The following TTC28 variants were observed in gnomAD, a reference collection of about 807,000 sequenced individuals.
The protein encoded by TTC28 is tetratricopeptide repeat protein 28.
Under a neutral mutation model 198.0 loss-of-function variants are expected in TTC28, and 61 were observed. The ratio of observed to expected loss-of-function variants is 0.31; its 90% CI spans 0.25 to 0.38. The LOEUF (loss-of-function observed/expected upper bound fraction) is 0.38. Among genes scored for constraint, TTC28 ranks in the 10% least tolerant of loss-of-function variants. The pLI, the probability that TTC28 is intolerant of heterozygous loss-of-function variation, is 1.00. For missense variants in TTC28, 2,678 were observed against 3,164.0 expected (o/e 0.85, Z 3.69); for synonymous variants, 1,171 against 1,297.8 (o/e 0.90, Z 2.10).
chr22:28,130,372 A>G (rs554615089), intron 6 of TTC28, among the ~76,000 whole-genome samples: 2 of 152,292 alleles, frequency 1.3e-5, no homozygotes, highest in African/African-American at 4.8e-5. Context: ...CCACTTTATA[A>G]CAATAAACTG....
At chr22:28,332,369 T>C (rs1363261105) in intron 2 of TTC28, among the ~76,000 whole-genome samples, 1 of 152,148 alleles carries the variant, frequency 6.6e-6, no homozygotes, top group East Asian at 1.9e-4. Context: ...AATATAGACT[T>C]AATAGAAATA....
At chr22:28,387,698 T>C (rs1463842922) in intron 2 of TTC28, among the ~76,000 whole-genome samples, 4 of 152,238 alleles carry the variant, frequency 2.6e-5, no homozygotes, top group Admixed American at 2.0e-4. Flanking sequence ...GTTGTTTGTG[T>C]TTTTCTTCTA....
intron 2 of TTC28, among the ~76,000 whole-genome samples, chr22:28,472,213 G>C (rs1277795975): frequency 6.6e-6 from 1 of 152,062 alleles, no homozygotes; most frequent in East Asian, 1.9e-4. Context: ...CGCCTTGTAT[G>C]AGTTTCTTCT....
intron 2 of TTC28, among the ~76,000 whole-genome samples, chr22:28,463,929 T>A (rs2047984439): frequency 6.6e-6 from 1 of 151,660 alleles, no homozygotes; most frequent in South Asian, 2.1e-4. Context: ...TATATATATT[T>A]AAAAAAATAA....
At chr22:28,111,343 G>GA (rs1942475321) in intron 6 of TTC28, among the ~76,000 whole-genome samples, 1 of 152,102 alleles carries the variant, frequency 6.6e-6, no homozygotes, top group Admixed American at 6.5e-5. Context: ...CTCAAGGTGA[G>GA]AAAATCTAAG....
chr22:28,587,173 A>G (rs778982060), intron 2 of TTC28, among the ~76,000 whole-genome samples: 9 of 152,190 alleles, frequency 5.9e-5, no homozygotes, highest in Admixed American at 5.2e-4. Context: ...CCTAGGCAAC[A>G]TGGTAAAACC....
chr22:28,607,309 T>C (rs559303873), intron 2 of TTC28, among the ~76,000 whole-genome samples: 1 of 152,310 alleles, frequency 6.6e-6, no homozygotes, highest in African/African-American at 2.4e-5. Flanking sequence ...CTAATCTCAT[T>C]TGTCATAGGG....
At chr22:28,608,752 C>G (rs2050773548) in intron 2 of TTC28, among the ~76,000 whole-genome samples, 1 of 152,084 alleles carries the variant, frequency 6.6e-6, no homozygotes, top group Non-Finnish European at 1.5e-5. Flanking sequence ...AACTGTTTGG[C>G]AAAGGCTGAG....
intron 2 of TTC28, among the ~76,000 whole-genome samples, chr22:28,505,859 G>A (rs1209185437): frequency 6.6e-6 from 1 of 152,236 alleles, no homozygotes; most frequent in African/African-American, 2.4e-5. Flanking sequence ...CCGCCAAACA[G>A]CAACAGGCTG....
chr22:28,130,303 G>C (rs73880397), intron 6 of TTC28, among the ~76,000 whole-genome samples: 1,921 of 152,090 alleles, frequency 0.013, 44 homozygotes, highest in African/African-American at 0.044. Flanking sequence ...TGCTCCCTTT[G>C]CTCCCAAGGA....
intron 2 of TTC28, among the ~76,000 whole-genome samples, chr22:28,354,802 C>T (rs1469860331): frequency 6.6e-6 from 1 of 151,984 alleles, no homozygotes; most frequent in African/African-American, 2.4e-5. Flanking sequence ...CATGTCTTAA[C>T]CATCTTCAAA....
At chr22:28,065,211 C>T (rs1039646958) in intron 12 of TTC28, among the ~76,000 whole-genome samples, 2 of 152,146 alleles carry the variant, frequency 1.3e-5, no homozygotes, top group African/African-American at 2.4e-5. Context: ...GTTCTCTTCC[C>T]ACAGTGGTAT....
chr22:28,162,550 G>A (rs1046442498), intron 6 of TTC28, among the ~76,000 whole-genome samples: 1 of 152,128 alleles, frequency 6.6e-6, no homozygotes, highest in East Asian at 1.9e-4. Flanking sequence ...ACATTAAAAG[G>A]TTGGGATGTT....
chr22:28,651,898 G>A (rs990897544), intron 1 of TTC28, among the ~76,000 whole-genome samples: 6 of 151,866 alleles, frequency 4.0e-5, no homozygotes, highest in African/African-American at 9.7e-5. Context: ...GGAGTGCAAC[G>A]GCTGGGTCTT....
At chr22:28,471,385 C>T (rs2048094837) in intron 2 of TTC28, among the ~76,000 whole-genome samples, 1 of 152,114 alleles carries the variant, frequency 6.6e-6, no homozygotes, top group African/African-American at 2.4e-5. Flanking sequence ...TGAAATGTTA[C>T]AGCTAAAATC....
intron 2 of TTC28, among the ~76,000 whole-genome samples, chr22:28,487,509 T>C (rs1191627836): frequency 6.6e-6 from 1 of 152,150 alleles, no homozygotes; most frequent in Non-Finnish European, 1.5e-5. Context: ...TTTGTGTATA[T>C]TTCATTAGCT....
intron 19 of TTC28, among the ~76,000 whole-genome samples, chr22:27,991,045 G>GC (rs1213863082): frequency 6.6e-6 from 1 of 152,166 alleles, no homozygotes; most frequent in African/African-American, 2.4e-5. Flanking sequence ...GGCAGCATCA[G>GC]CCAGGCCTCC....
In TTC28 at chr22:28,076,428, T is replaced by C. The variant is rs572314275; in HGVS notation, c.3932+17652A>G. Among the ~76,000 whole-genome samples the C allele has an allele frequency of 1.6e-3, 243 of 152,312 alleles. 1 individual carries two copies. The highest frequency in any genetic ancestry group is 3.0e-3 in the Non-Finnish European group (207 of 68,012). The stretch of plus-strand genomic sequence containing the variant: ...GTTGCAATCCTGGTTTTGTAATTCA[T>C]TTGCTTAAAAACCCCTGCTTTTTTC... On this transcript the variant is annotated intron_variant, in intron 12 of 22. Transcript: ENST00000397906.
chr22:28,550,943 T>A (rs1359681500), intron 2 of TTC28, among the ~76,000 whole-genome samples: 1 of 151,828 alleles, frequency 6.6e-6, no homozygotes, highest in African/African-American at 2.4e-5. Flanking sequence ...TTTAAAGCAA[T>A]AGCAGTTAAA....
Sources: allele counts gnomAD v4.1 joint callset (sites outside exome capture counted in the v4.1 genomes callset), GRCh38; gene constraint gnomAD v4.1.1; transcripts MANE v1.5; gene names NCBI Gene and HGNC (gene_info 2026-07-23, HGNC 2026-07-21).